The following ANKRD10 variants were observed in gnomAD, a reference collection of about 807,000 sequenced individuals.
The protein encoded by ANKRD10 is ankyrin repeat domain-containing protein 10.
In ANKRD10, 14 loss-of-function variants were observed where a neutral mutation model predicts 27.0. That is an observed-to-expected ratio of 0.52 (90% CI 0.34 to 0.81). ANKRD10 has a LOEUF of 0.81. Ranked by LOEUF, ANKRD10 falls within the 40% of genes least tolerant of loss-of-function variation. The pLI, the probability that ANKRD10 is intolerant of heterozygous loss-of-function variation, is 0.01. For synonymous variants in ANKRD10, 250 were observed against 224.5 expected, an observed-to-expected ratio of 1.11 and a Z score of -1.01; for missense variants, 493 against 544.0, an observed-to-expected ratio of 0.91 and a Z score of 0.93.
intron 4 of ANKRD10, among the ~76,000 whole-genome samples, chr13:110,888,718 A>T (rs538762684): frequency 6.7e-4 from 102 of 152,330 alleles, no homozygotes; most frequent in East Asian, 9.6e-4. Flanking sequence ...TATCCAGGTT[A>T]AATCCACTCT....
intron 4 of ANKRD10, among the ~76,000 whole-genome samples, chr13:110,886,742 G>A (rs1429382164): frequency 1.3e-5 from 2 of 152,172 alleles, no homozygotes; most frequent in African/African-American, 4.8e-5. Flanking sequence ...AGGGTGGCCT[G>A]TACAGACATT....
intron 4 of ANKRD10, among the ~76,000 whole-genome samples, chr13:110,889,329 ACACT>A (rs1225917792): frequency 1.5e-5 from 2 of 131,720 alleles, no homozygotes; most frequent in African/African-American, 5.2e-5. Context: ...ACAAAATCCC[ACACT>A]GAGGAAAGTA....
At chr13:110,909,412 T>C (rs1355353497) in intron 2 of ANKRD10, among the ~76,000 whole-genome samples, 1 of 151,874 alleles carries the variant, frequency 6.6e-6, no homozygotes, top group African/African-American at 2.4e-5. Flanking sequence ...GGGTATTGAG[T>C]AGGTAATTCA....
chr13:110,912,466 A>C lies in ANKRD10; in HGVS notation c.211-1696T>G, dbSNP rs58212218. Among the ~76,000 whole-genome samples, 679 of 152,376 alleles carry C rather than the reference A, an allele frequency of 4.5e-3. 4 individuals carry two copies. The highest frequency in any genetic ancestry group is 0.015 in the African/African-American group (627 of 41,584). On this transcript the variant is annotated intron_variant, in intron 1 of 5. Coordinates refer to ENST00000267339, the MANE Select transcript of ANKRD10 (RefSeq NM_017664.4). The stretch of plus-strand genomic sequence containing the variant: ...AAAATGAAAGTATTAATTAGCGATA[A>C]GATGAACAGGTTGCAAATCCAATAA...
intron 1 of ANKRD10, among the ~76,000 whole-genome samples, chr13:110,914,129 C>T (rs1344266646): frequency 5.3e-5 from 8 of 152,312 alleles, no homozygotes; most frequent in African/African-American, 1.7e-4. Flanking sequence ...GCCTCCATCC[C>T]ACACAGCTGC....
Position 110,913,875 on chromosome 13 carries a change from C to G in ANKRD10, c.210+850G>C, listed in dbSNP as rs377391454. 8.4e-4 allele frequency among the ~76,000 whole-genome samples: 128 copies of G among 152,294 alleles called. 3 individuals are homozygous for G. In the South Asian group the frequency reaches 0.026, roughly 31 times the overall value. ...AGATTTCTGAGAGCAAGTACCCCAA[C>G]GACTTCACAGATGAGGAAACGGTAG... On this transcript the variant is annotated intron_variant, in intron 1 of 5. Transcript: ENST00000267339.
intron 2 of ANKRD10, among the ~76,000 whole-genome samples, chr13:110,908,317 C>A (rs77220412): frequency 0.076 from 11,608 of 152,136 alleles, 578 homozygotes; most frequent in Non-Finnish European, 0.11. Flanking sequence ...AATTACGCAC[C>A]AAGGCTAGTC....
chr13:110,879,395 A>G lies in ANKRD10; in HGVS notation c.*242T>C, dbSNP rs3809343. The G allele has an allele frequency of 0.32, 154,961 of 480,236 alleles. 29,688 individuals are homozygous for G. The highest frequency in any genetic ancestry group is 0.41 in the Non-Finnish European group (108,984 of 268,098). 29.7% of individuals were successfully genotyped at this position (480,236 alleles called of 1,614,324 possible). A position where few individuals can be genotyped will look rare whatever the true frequency, so the allele number is the denominator to read the frequency against. Reference sequence around the variant, plus strand: ...GACAATGTTGAGATTGGCATCAGAAAAACTCCAAAAGTGCACCTTATAAAA... The same window carrying G: ...GACAATGTTGAGATTGGCATCAGAAGAACTCCAAAAGTGCACCTTATAAAA... On this transcript the variant is annotated 3_prime_UTR_variant, in exon 6 of 6. Transcript: ENST00000267339.
intron 2 of ANKRD10, among the ~76,000 whole-genome samples, chr13:110,907,570 G>A (rs2065572104): frequency 6.6e-6 from 1 of 152,160 alleles, no homozygotes; most frequent in African/African-American, 2.4e-5. Context: ...AGGCTCGAGT[G>A]CTTGGTAGAG....
chr13:110,896,800 T>C (rs551172081), intron 3 of ANKRD10, among the ~76,000 whole-genome samples: 2 of 152,290 alleles, frequency 1.3e-5, no homozygotes, highest in East Asian at 3.9e-4. Context: ...TATTAGAAAA[T>C]ATTATTCTAT....
rs771811054 is a variant in ANKRD10, at chr13:110,879,702, C to T, written c.1198G>A (p.Val400Met). Residue 400 changes from valine to methionine, a missense_variant, in exon 6 of 6, where the codon GTG becomes ATG. Coordinates refer to ENST00000267339, the MANE Select transcript of ANKRD10 (RefSeq NM_017664.4). The part of the protein sequence containing the change: ...LNSVVEHSKS[V>M]KVQERYDSAV... ...CTGTCGTACCGCTCCTGCACCTTCACGGACTTGGAATGCTCGACCACACTG... is the reference window on the plus strand; with the variant it reads ...CTGTCGTACCGCTCCTGCACCTTCATGGACTTGGAATGCTCGACCACACTG... The T allele has an allele frequency of 4.3e-6, 7 of 1,614,172 alleles. No homozygotes were observed. Among genetic ancestry groups the T allele is most frequent in the Admixed American group, 3.3e-5 (2 of 60,020 alleles).
intron 3 of ANKRD10, among the ~76,000 whole-genome samples, chr13:110,896,561 A>G (rs1480425738): frequency 1.3e-5 from 2 of 152,242 alleles, no homozygotes; most frequent in Non-Finnish European, 2.9e-5. Context: ...TGTGTAGTGC[A>G]CATTATAGAA....
intron 5 of ANKRD10, among the ~76,000 whole-genome samples, chr13:110,880,473 C>T (rs1027748809): frequency 2.0e-5 from 3 of 152,102 alleles, no homozygotes; most frequent in African/African-American, 7.2e-5. Context: ...AAAAAATCGC[C>T]CCTGAAAAGG....
chr13:110,883,647 CTTCAACCATTGGA>C (rs753938907), intron 5 of ANKRD10, 38 bp downstream of exon 5: 2 of 1,607,398 alleles, frequency 1.2e-6, no homozygotes, highest in Non-Finnish European at 1.7e-6. Context: ...TGTTTGGTGT[CTTCAACCATTGGA>C]TTGTTGTTGC....
intron 5 of ANKRD10, 187 bp downstream of exon 5, chr13:110,883,511 A>G: frequency 9.0e-6 from 12 of 1,335,734 alleles, no homozygotes; most frequent in Non-Finnish European, 1.2e-5. Flanking sequence ...AACAAAGTGC[A>G]AAACATCTGA....
At chr13:110,898,824 C>T (rs143847622) in intron 3 of ANKRD10, among the ~76,000 whole-genome samples, 6,154 of 145,410 alleles carry the variant, frequency 0.042, 230 homozygotes, top group African/African-American at 0.084. Flanking sequence ...GGCGTGATCT[C>T]GGCTCACCGC....
In ANKRD10 at chr13:110,914,776, C is replaced by G; in HGVS notation, c.159G>C (p.Glu53Asp). 6.3e-7 allele frequency: 1 copy of G among 1,599,192 alleles called. No homozygotes were observed. Among genetic ancestry groups the G allele is most frequent in the Non-Finnish European group, 8.5e-7 (1 of 1,173,502 alleles). Residue 53 changes from glutamate (E) to aspartate (D), a missense_variant, in exon 1 of 6, where the codon GAG (glutamate) becomes GAC (aspartate). Glu to Asp is a conservative substitution (Grantham distance 45). Transcript: ENST00000267339. ...QQTPHAHLAS[E>D]DSFYGWTPVH... ...CGGGCGTCCAGCCATAGAAGGAGTC[C>G]TCAGAGGCCAGGTGGGCGTGGGGTG...
chr13:110,883,041 A>G (rs1000165963), intron 5 of ANKRD10, among the ~76,000 whole-genome samples: 2 of 152,256 alleles, frequency 1.3e-5, no homozygotes, highest in African/African-American at 4.8e-5. Flanking sequence ...AAAATTGGAA[A>G]CAGGAATACT....
At chr13:110,900,563 G>A (rs958143905) in intron 3 of ANKRD10, 3 of 1,348,754 alleles carry the variant, frequency 2.2e-6, no homozygotes, top group Non-Finnish European at 2.9e-6. Context: ...GAAAGGAAGC[G>A]ATACTGAACA....
Sources: allele counts gnomAD v4.1 joint callset (sites outside exome capture counted in the v4.1 genomes callset), GRCh38; gene constraint gnomAD v4.1.1; transcripts MANE v1.5; gene names NCBI Gene and HGNC (gene_info 2026-07-23, HGNC 2026-07-21).